UBXN7: variants seen among roughly 807,000 people sequenced by gnomAD.
UBXN7 encodes the protein UBX domain protein 7, also known as UBX domain-containing protein 7.
UBXN7 carries 9 observed loss-of-function variants against 58.0 expected under a neutral mutation model. The ratio of observed to expected loss-of-function variants is 0.16; its 90% CI spans 0.09 to 0.27. The LOEUF (loss-of-function observed/expected upper bound fraction) is 0.27. Among genes scored for constraint, UBXN7 ranks in the 10% least tolerant of loss-of-function variants. The pLI is 1.00. For synonymous variants in UBXN7, 208 were observed against 205.0 expected (o/e 1.01, Z -0.12); for missense variants, 328 against 599.6 (o/e 0.55, Z 4.73).
intron 5 of UBXN7, among the ~76,000 whole-genome samples, 193 bp downstream of exon 5, chr3:196,391,620 G>C (rs1189966027): frequency 6.6e-6 from 1 of 152,028 alleles, no homozygotes; most frequent in Non-Finnish European, 1.5e-5. Context: ...TATAGCCCTA[G>C]CTACTCGGGA....
In UBXN7 at chr3:196,354,469, T is replaced by C. The variant is rs549273449; in HGVS notation, c.*2216A>G. 8 of 152,318 alleles carry C rather than the reference T, an allele frequency of 5.3e-5. No individual in the cohort carries two copies. The highest frequency in any genetic ancestry group is 1.4e-4 in the African/African-American group (6 of 41,560). The allele number at this position is 152,318 out of a possible 1,614,324, so 9.4% of individuals were successfully genotyped here. On this transcript the variant is annotated 3_prime_UTR_variant, in exon 11 of 11. Transcript: ENST00000296328. ...GATTGACTTCACACGTTTGAGCGAT[T>C]TGGGCTTCAGCTATGACTTTGCTGG... is the stretch of plus-strand genomic sequence containing the variant.
At chr3:196,429,996 G>C (rs746958379) in intron 1 of UBXN7, among the ~76,000 whole-genome samples, 2 of 152,190 alleles carry the variant, frequency 1.3e-5, no homozygotes, top group Non-Finnish European at 2.9e-5. Flanking sequence ...AAGAAGTAAT[G>C]TGGCGTTAAA....
At chr3:196,424,979 G>A (rs1309445433) in intron 1 of UBXN7, among the ~76,000 whole-genome samples, 1 of 152,084 alleles carries the variant, frequency 6.6e-6, no homozygotes, top group Non-Finnish European at 1.5e-5. Flanking sequence ...TGGGATTCCA[G>A]GTGTGAACCA....
intron 5 of UBXN7, among the ~76,000 whole-genome samples, chr3:196,388,794 T>C (rs949477400): frequency 1.3e-5 from 2 of 152,212 alleles, no homozygotes; most frequent in Non-Finnish European, 2.9e-5. Context: ...ATGACTTAAT[T>C]TTGCTTGTTA....
intron 2 of UBXN7, among the ~76,000 whole-genome samples, chr3:196,404,268 T>G (rs956361954): frequency 1.2e-4 from 18 of 149,386 alleles, no homozygotes; most frequent in Middle Eastern, 3.4e-3. Context: ...ATGGTTTTTT[T>G]TTTTTTTTTT....
chr3:196,432,193 C>T (rs1203686391), intron 1 of UBXN7, 134 bp downstream of exon 1: 3 of 1,309,048 alleles, frequency 2.3e-6, no homozygotes, highest in Non-Finnish European at 3.2e-6. Context: ...GTCGTCGCCT[C>T]TTCCTCAGGA....
At chr3:196,431,515 G>A (rs548917988) in intron 1 of UBXN7, 1 of 159,028 alleles carries the variant, frequency 6.3e-6, no homozygotes, top group Non-Finnish European at 1.4e-5. Flanking sequence ...CGGGGATACC[G>A]ACACCCAGAA....
chr3:196,359,177 T>C (rs1296424709), intron 10 of UBXN7, among the ~76,000 whole-genome samples: 2 of 152,224 alleles, frequency 1.3e-5, no homozygotes, highest in Non-Finnish European at 2.9e-5. Context: ...TTGGTAATGC[T>C]TGCAGTTCAT....
Position 196,356,454 on chromosome 3 carries a change from A to C in UBXN7, c.*231T>G. 7.9e-6 allele frequency: 3 copies of C among 380,328 alleles called. No homozygotes were observed. Among genetic ancestry groups the C allele is most frequent in the Middle Eastern group, 6.8e-4 (1 of 1,462 alleles). 23.6% of individuals were successfully genotyped at this position (380,328 alleles called of 1,614,324 possible). The stretch of plus-strand genomic sequence containing the variant: ...AGGTAAGAAAGAAAAGTGTGGGGGG[A>C]GGGGGAGGCAGAAGGGTACGGAGTG... On this transcript the variant is annotated 3_prime_UTR_variant, in exon 11 of 11. Transcript: ENST00000296328.
At chr3:196,361,810 G>T in intron 10 of UBXN7, 34 bp downstream of exon 10, 1 of 1,582,010 alleles carries the variant, frequency 6.3e-7, no homozygotes, top group Non-Finnish European at 8.7e-7. Flanking sequence ...TTATTGCAGT[G>T]GTCGGAACTG....
chr3:196,350,163 G>T lies in UBXN7; in HGVS notation c.*6522C>A, dbSNP rs958331166. 1 of 152,192 alleles carries T rather than the reference G, an allele frequency of 6.6e-6. No individual in the cohort carries two copies. Among genetic ancestry groups the T allele is most frequent in the African/African-American group, 2.4e-5 (1 of 41,442 alleles). 9.4% of individuals were successfully genotyped at this position (152,192 alleles called of 1,614,324 possible). On this transcript the variant is annotated 3_prime_UTR_variant, in exon 11 of 11. Coordinates refer to ENST00000296328, the MANE Select transcript of UBXN7 (RefSeq NM_015562.2). ...CTTTTGAAAATACTTTCTCATTACA[G>T]GAATGCTAAATTATGTTTATTAAAG...
Position 196,401,263 on chromosome 3 carries a change from AAAAAAAAAAAAATATATAT to A in UBXN7, c.289+1670_289+1688del, listed in dbSNP as rs1449553882. Among the ~76,000 whole-genome samples the A allele has an allele frequency of 9.1e-4, 80 of 87,972 alleles. 1 individual carries two copies. The highest frequency in any genetic ancestry group is 1.5e-3 in the Non-Finnish European group (70 of 47,256). 57.7% of individuals were successfully genotyped at this position (87,972 alleles called of 152,430 possible). The stretch of plus-strand genomic sequence containing the variant: ...CCCGTCTCTCCAAAAAAAAAAAAAA[AAAAAAAAAAAAATATATAT>A]ATATATATATATATATACACACACA... On this transcript the variant is annotated intron_variant, in intron 3 of 10. Transcript: ENST00000296328.
chr3:196,411,566 C>G (rs1482862292), intron 1 of UBXN7, among the ~76,000 whole-genome samples: 2 of 152,214 alleles, frequency 1.3e-5, no homozygotes, highest in Non-Finnish European at 2.9e-5. Context: ...AATCCCAGCA[C>G]TTTGAGAGAC....
At chr3:196,362,723 C>G in intron 8 of UBXN7, 36 bp from the exon 9 acceptor site, 1 of 1,553,352 alleles carries the variant, frequency 6.4e-7, no homozygotes, top group Non-Finnish European at 8.7e-7. Flanking sequence ...GGAAAAAGAA[C>G]AAGTTAAACC....
chr3:196,412,774 C>T (rs1346781072), intron 1 of UBXN7, among the ~76,000 whole-genome samples: 2 of 152,052 alleles, frequency 1.3e-5, no homozygotes, highest in Non-Finnish European at 2.9e-5. Context: ...CATGAATGAA[C>T]CTTGAGGACA....
chr3:196,401,842 G>GAAGAGAAGAGAAGAGAA (rs1553853067), intron 3 of UBXN7, among the ~76,000 whole-genome samples: 1 of 149,484 alleles, frequency 6.7e-6, no homozygotes, highest in Non-Finnish European at 1.5e-5. Flanking sequence ...GAAGAGAAGA[G>GAAGAGAAGAGAAGAGAA]AAGAGAAGAG....
intron 2 of UBXN7, 91 bp from the exon 3 acceptor site, chr3:196,403,110 C>G: frequency 7.8e-7 from 1 of 1,285,616 alleles, no homozygotes; most frequent in Non-Finnish European, 1.1e-6. Flanking sequence ...TTCAAATTAA[C>G]GTAGTGACTT....
At chr3:196,375,002 G>GAGA (rs1284959375) in intron 5 of UBXN7, among the ~76,000 whole-genome samples, 5 of 98,530 alleles carry the variant, frequency 5.1e-5, no homozygotes, top group African/African-American at 2.0e-4. Flanking sequence ...GAGGGAGGGA[G>GAGA]GGAGGAAGGA....
intron 1 of UBXN7, among the ~76,000 whole-genome samples, chr3:196,408,067 C>A (rs1577469245): frequency 7.1e-6 from 1 of 140,574 alleles, no homozygotes. Context: ...CACTGCACTC[C>A]AGCCTGGGCA....
Sources: gnomAD v4.1 joint callset for allele counts (sites outside exome capture counted in the v4.1 genomes callset) on GRCh38, gnomAD v4.1.1 for gene constraint, MANE v1.5 for transcripts, NCBI Gene and HGNC (gene_info 2026-07-23, HGNC 2026-07-21) for gene names.